TMEM74: variants seen among roughly 807,000 people sequenced by gnomAD.
TMEM74 encodes the protein transmembrane protein 74.
In TMEM74, 13 loss-of-function variants were observed where a neutral mutation model predicts 18.1. That is an observed-to-expected ratio of 0.72 (90% CI 0.47 to 1.14). The LOEUF (loss-of-function observed/expected upper bound fraction) is 1.14. TMEM74 is among the 50% of genes most tolerant of loss of function. The pLI is 0.00. For synonymous variants in TMEM74, 159 were observed against 146.6 expected (o/e 1.08, Z -0.61); for missense variants, 372 against 375.9 (o/e 0.99, Z 0.09).
chr8:108,744,834 C>A (rs1240599826), intron 1 of TMEM74, among the ~76,000 whole-genome samples: 2 of 152,034 alleles, frequency 1.3e-5, no homozygotes, highest in South Asian at 4.1e-4. Context: ...TGTGGAGGAA[C>A]CCTTTGTAGA....
chr8:108,617,016 T>C (rs1450834237), intron 2 of TMEM74, among the ~76,000 whole-genome samples: 1 of 151,734 alleles, frequency 6.6e-6, no homozygotes, highest in Non-Finnish European at 1.5e-5. Flanking sequence ...TATTTATATA[T>C]AGTGGTAGAG....
rs1338319912 is a variant in TMEM74, at chr8:108,782,762, CT to C, written c.*1418del. The stretch of plus-strand genomic sequence containing the variant: ...CTGTCCTCTTTTTAAGAATGACCCC[CT>C]GATCCTGGTAACACAATCATGGAAG... On this transcript the variant is annotated 3_prime_UTR_variant, in exon 2 of 2. Transcript: ENST00000297459. Among the ~76,000 whole-genome samples, 1 of 152,214 alleles carries C rather than the reference CT, an allele frequency of 6.6e-6. No individual in the cohort carries two copies. Among genetic ancestry groups the C allele is most frequent in the African/African-American group, 2.4e-5 (1 of 41,444 alleles).
rs114653979 is a variant in TMEM74 at position 108,755,180 on chromosome 8, C to T, written n.119+32296G>A. On this transcript the variant is annotated intron_variant and non_coding_transcript_variant, in intron 1 of 3. Transcript: ENST00000518838. ...CCAGGAACACTGCAGTCAAGGCCTG[C>T]CTTTAGTCTGACCATCCCAAGGGAT... is the stretch of plus-strand genomic sequence containing the variant. 5.3e-3 allele frequency among the ~76,000 whole-genome samples: 806 copies of T among 152,162 alleles called. 11 individuals are homozygous for T. The highest frequency in any genetic ancestry group is 0.018 in the African/African-American group (754 of 41,546).
intron 1 of TMEM74, among the ~76,000 whole-genome samples, chr8:108,678,898 TC>T (rs1290704719): frequency 6.4e-5 from 4 of 62,120 alleles, no homozygotes; most frequent in East Asian, 5.4e-4. Flanking sequence ...CCTCCCCCCC[TC>T]CCCCCACCCC....
At chr8:108,776,856 TA>T (rs1414235497), downstream of TMEM74, among the ~76,000 whole-genome samples, 1 of 151,902 alleles carries the variant, frequency 6.6e-6, no homozygotes, top group African/African-American at 2.4e-5. Flanking sequence ...GGAGCATAAG[TA>T]AAAAAATATT....
intron 1 of TMEM74, among the ~76,000 whole-genome samples, chr8:108,673,886 T>G (rs914372619): frequency 6.6e-6 from 1 of 152,218 alleles, no homozygotes; most frequent in Non-Finnish European, 1.5e-5. Flanking sequence ...ATTTAGCCTA[T>G]TGTTAATACT....
chr8:108,772,182 G>T (rs1015890260), intron 1 of TMEM74, among the ~76,000 whole-genome samples: 17 of 152,010 alleles, frequency 1.1e-4, no homozygotes, highest in African/African-American at 3.6e-4. Flanking sequence ...GGAATTCATT[G>T]TTCTTTTATG....
At chr8:108,654,794 G>A (rs1392595840) in intron 2 of TMEM74, among the ~76,000 whole-genome samples, 3 of 151,842 alleles carry the variant, frequency 2.0e-5, no homozygotes, top group Non-Finnish European at 2.9e-5. Context: ...TTAAGGAATG[G>A]CCAAGCCCTA....
At chr8:108,714,807 A>G (rs1285134133) in intron 1 of TMEM74, among the ~76,000 whole-genome samples, 1 of 152,212 alleles carries the variant, frequency 6.6e-6, no homozygotes, top group Non-Finnish European at 1.5e-5. Context: ...TGGATAAAGA[A>G]AATGTGGAAT....
chr8:108,769,735 A>G (rs940634250), intron 1 of TMEM74, among the ~76,000 whole-genome samples: 1 of 152,096 alleles, frequency 6.6e-6, no homozygotes, highest in Non-Finnish European at 1.5e-5. Flanking sequence ...ACTTTCTGTA[A>G]GCCAAAGAGG....
At chr8:108,744,822 T>G (rs908591792) in intron 1 of TMEM74, among the ~76,000 whole-genome samples, 6 of 152,174 alleles carry the variant, frequency 3.9e-5, no homozygotes, top group African/African-American at 1.4e-4. Flanking sequence ...TTATGAGTGA[T>G]CTGTGGAGGA....
intron 2 of TMEM74, among the ~76,000 whole-genome samples, chr8:108,614,934 G>A (rs976918199): frequency 1.3e-5 from 2 of 152,128 alleles, no homozygotes; most frequent in African/African-American, 4.8e-5. Flanking sequence ...GTATAGAATT[G>A]TATGAATAGA....
chr8:108,691,739 G>T (rs1025525674), intron 1 of TMEM74, among the ~76,000 whole-genome samples: 33 of 151,926 alleles, frequency 2.2e-4, no homozygotes, highest in African/African-American at 7.7e-4. Context: ...ATATAGACAG[G>T]ACATAAATTC....
intron 1 of TMEM74, among the ~76,000 whole-genome samples, chr8:108,705,956 C>T (rs1449433379): frequency 6.6e-6 from 1 of 152,178 alleles, no homozygotes; most frequent in East Asian, 1.9e-4. Context: ...TGGAAGGATT[C>T]TTTTGCTATC....
intron 1 of TMEM74, among the ~76,000 whole-genome samples, chr8:108,681,332 G>A (rs1436477105): frequency 6.6e-6 from 1 of 152,040 alleles, no homozygotes; most frequent in Admixed American, 6.6e-5. Context: ...TAGATCAATG[G>A]AACAGAACAG....
chr8:108,669,103 C>A (rs754447756), intron 1 of TMEM74, among the ~76,000 whole-genome samples: 3 of 152,016 alleles, frequency 2.0e-5, no homozygotes, highest in Admixed American at 6.6e-5. Context: ...TGAAGTCTTG[C>A]CACTTTCTTA....
chr8:108,732,245 A>G (rs1054695917), intron 1 of TMEM74, among the ~76,000 whole-genome samples: 1 of 152,250 alleles, frequency 6.6e-6, no homozygotes, highest in African/African-American at 2.4e-5. Context: ...TGAAATTTTA[A>G]AAGACCGAAG....
intron 2 of TMEM74, among the ~76,000 whole-genome samples, chr8:108,648,345 C>T (rs1296431811): frequency 6.6e-6 from 1 of 152,068 alleles, no homozygotes; most frequent in Non-Finnish European, 1.5e-5. Flanking sequence ...AAAGAGAGAT[C>T]ACATGGAGGA....
intron 2 of TMEM74, among the ~76,000 whole-genome samples, chr8:108,615,032 C>T (rs10091309): frequency 0.06 from 9,166 of 152,222 alleles, 372 homozygotes; most frequent in South Asian, 0.13. Flanking sequence ...GGTCAATATT[C>T]TGGACTCTCT....
Sources: allele counts gnomAD v4.1 joint callset (sites outside exome capture counted in the v4.1 genomes callset), GRCh38; gene constraint gnomAD v4.1.1; transcripts MANE v1.5; gene names NCBI Gene and HGNC (gene_info 2026-07-23, HGNC 2026-07-21).